The following DCC variants were observed in gnomAD, a reference collection of about 807,000 sequenced individuals.
The protein encoded by DCC is netrin receptor DCC.
In DCC, 58 loss-of-function variants were observed where a neutral mutation model predicts 172.5. That is an observed-to-expected ratio of 0.34 (90% CI 0.27 to 0.42). DCC has a LOEUF of 0.42. DCC is among the 10% of genes least tolerant of loss of function. The pLI is 1.00. For synonymous variants in DCC, 709 were observed against 644.5 expected (o/e 1.10, Z -1.52); for missense variants, 1,740 against 1,791.0 (o/e 0.97, Z 0.51).
chr18:52,564,756 A>C (rs1451787364), intron 1 of DCC, among the ~76,000 whole-genome samples: 2 of 151,986 alleles, frequency 1.3e-5, no homozygotes, highest in Admixed American at 6.6e-5. Flanking sequence ...CAAATACATA[A>C]AATTTCAAGG....
chr18:52,759,252 C>A (rs999142803), intron 2 of DCC, among the ~76,000 whole-genome samples: 7 of 152,186 alleles, frequency 4.6e-5, no homozygotes, highest in Middle Eastern at 3.4e-3. Flanking sequence ...GTTTTAGTTG[C>A]CTCCTTCCTA....
chr18:53,535,147 T>G lies in DCC; in HGVS notation c.*4494T>G, dbSNP rs1252496264. On this transcript the variant is annotated 3_prime_UTR_variant, in exon 29 of 29. Coordinates refer to ENST00000442544, the MANE Select transcript of DCC (RefSeq NM_005215.4). ...TGAACTTTGTGAATTGTCAGCTTGT[T>G]TGGGGGAAGGGTGGGCGGGTATGGG... 2.2e-5 allele frequency: 3 copies of G among 134,922 alleles called. No homozygotes were observed. Among genetic ancestry groups the G allele is most frequent in the Non-Finnish European group, 4.8e-5 (3 of 62,844 alleles). The allele number at this position is 134,922 out of a possible 1,614,324, so 8.4% of individuals were successfully genotyped here.
chr18:52,935,921 TG>T (rs1781597018), intron 5 of DCC, among the ~76,000 whole-genome samples: 1 of 152,160 alleles, frequency 6.6e-6, no homozygotes, highest in Non-Finnish European at 1.5e-5. Flanking sequence ...TATCTGTAAT[TG>T]CCCTTATTAA....
At chr18:53,155,220 C>G (rs2054711084) in intron 7 of DCC, among the ~76,000 whole-genome samples, 1 of 151,678 alleles carries the variant, frequency 6.6e-6, no homozygotes. Flanking sequence ...ATGAATTTTT[C>G]TAGCTAGCAG....
At chr18:52,416,834 A>T (rs1987050458) in intron 1 of DCC, among the ~76,000 whole-genome samples, 1 of 152,056 alleles carries the variant, frequency 6.6e-6, no homozygotes, top group Non-Finnish European at 1.5e-5. Context: ...CCAATTTGCC[A>T]GTCTGTGTCT....
intron 9 of DCC, 41 bp downstream of exon 9, chr18:53,179,157 A>G (rs1175173976): frequency 6.3e-7 from 1 of 1,587,104 alleles, no homozygotes; most frequent in Non-Finnish European, 8.6e-7. Context: ...AAAAGTATTT[A>G]TTTTCCTCTG....
chr18:53,320,609 G>A (rs1440718835), intron 13 of DCC, among the ~76,000 whole-genome samples: 5 of 152,156 alleles, frequency 3.3e-5, no homozygotes, highest in Admixed American at 2.6e-4. Flanking sequence ...GTGAGCACGA[G>A]CCTACTTAAG....
intron 7 of DCC, among the ~76,000 whole-genome samples, chr18:53,116,263 G>C (rs1568314061): frequency 6.6e-6 from 1 of 151,748 alleles, no homozygotes; most frequent in East Asian, 1.9e-4. Flanking sequence ...GAGCTAGCCC[G>C]AGCATAGGAG....
chr18:53,114,116 A>G (rs1007920786), intron 7 of DCC, among the ~76,000 whole-genome samples: 1 of 151,514 alleles, frequency 6.6e-6, no homozygotes, highest in African/African-American at 2.4e-5. Flanking sequence ...GCCCTTTGCA[A>G]TCGTAACTTG....
At chr18:52,795,843 G>T (rs1438659819) in intron 2 of DCC, among the ~76,000 whole-genome samples, 1 of 151,780 alleles carries the variant, frequency 6.6e-6, no homozygotes, top group Non-Finnish European at 1.5e-5. Flanking sequence ...CTTCATTGAT[G>T]CAATAGTTGC....
At position 53,489,188 on chromosome 18, in the gene DCC, T is replaced by C. The variant is rs144852565; in HGVS notation, c.3898+2230T>C. ...ACAAAATGCTTAGTGATTTTTTAAC[T>C]TTATCTAAAATGAAAAGGCATTGGA... On this transcript the variant is annotated intron_variant, in intron 26 of 28. Coordinates refer to ENST00000442544, the MANE Select transcript of DCC (RefSeq NM_005215.4). Among the ~76,000 whole-genome samples the C allele has an allele frequency of 5.1e-3, 770 of 152,344 alleles. 6 individuals are homozygous for C. Among genetic ancestry groups the C allele is most frequent in the African/African-American group, 0.015 (605 of 41,576 alleles).
At chr18:52,974,087 TGAA>T (rs1041927614) in intron 5 of DCC, among the ~76,000 whole-genome samples, 23 of 152,074 alleles carry the variant, frequency 1.5e-4, no homozygotes, top group African/African-American at 5.6e-4. Context: ...AAAAATACAG[TGAA>T]GAATATATTA....
intron 8 of DCC, among the ~76,000 whole-genome samples, chr18:53,175,932 A>G (rs1460385700): frequency 5.3e-5 from 8 of 152,214 alleles, no homozygotes; most frequent in Non-Finnish European, 1.0e-4. Flanking sequence ...AAACTATACC[A>G]CAAGGCTACA....
chr18:52,516,624 G>A (rs905446239), intron 1 of DCC, among the ~76,000 whole-genome samples: 12 of 152,280 alleles, frequency 7.9e-5, no homozygotes, highest in African/African-American at 2.4e-4. Flanking sequence ...AATAAACCAC[G>A]TTATATAGTA....
intron 5 of DCC, among the ~76,000 whole-genome samples, chr18:52,941,692 G>C (rs1346069370): frequency 6.6e-6 from 1 of 152,008 alleles, no homozygotes; most frequent in African/African-American, 2.4e-5. Flanking sequence ...ATTACATGTA[G>C]CTTCATTCAC....
chr18:53,163,324 T>G (rs940238976), intron 8 of DCC, among the ~76,000 whole-genome samples: 2 of 152,324 alleles, frequency 1.3e-5, no homozygotes, highest in African/African-American at 4.8e-5. Context: ...CTGACTACAG[T>G]TCAATAAAAA....
At chr18:52,889,379 G>C (rs907519199) in intron 2 of DCC, among the ~76,000 whole-genome samples, 8 of 152,002 alleles carry the variant, frequency 5.3e-5, no homozygotes, top group Non-Finnish European at 1.0e-4. Context: ...GAAATATCAG[G>C]CTTTCAATAA....
At chr18:52,688,036 T>C (rs1454083327) in intron 1 of DCC, among the ~76,000 whole-genome samples, 1 of 152,136 alleles carries the variant, frequency 6.6e-6, no homozygotes, top group African/African-American at 2.4e-5. Context: ...TGGGTCTAAA[T>C]TGCCCACTAT....
chr18:53,447,909 T>C (rs533202261), intron 22 of DCC, among the ~76,000 whole-genome samples: 54 of 152,280 alleles, frequency 3.5e-4, no homozygotes, highest in African/African-American at 1.2e-3. Flanking sequence ...CTTTCATTTG[T>C]AATCATAATT....
Sources: gnomAD v4.1 joint callset for allele counts (sites outside exome capture counted in the v4.1 genomes callset) on GRCh38, gnomAD v4.1.1 for gene constraint, MANE v1.5 for transcripts, NCBI Gene and HGNC (gene_info 2026-07-23, HGNC 2026-07-21) for gene names.